Variants in IFI44L observed in about 807,000 individuals in gnomAD.
IFI44L encodes the protein interferon induced protein 44 like.
Under a neutral mutation model 39.3 loss-of-function variants are expected in IFI44L, and 40 were observed. The ratio of observed to expected loss-of-function variants is 1.02; its 90% confidence interval spans 0.79 to 1.33. The LOEUF (loss-of-function observed/expected upper bound fraction) is 1.33, where lower values mean the gene tolerates loss of function less well. IFI44L is among the 40% of genes most tolerant of loss of function. The probability of loss-of-function intolerance (pLI) is 0.00; values close to 1 mark genes in which losing one functional copy is unlikely to be tolerated. For missense variants in IFI44L, 623 were observed against 549.0 expected, an observed-to-expected ratio of 1.13 and a Z score of -1.35; for synonymous variants, 198 against 182.3, an observed-to-expected ratio of 1.09 and a Z score of -0.69.
chr1:78,635,192 C>A (rs980088598), intron 4 of IFI44L, 145 bp from the exon 5 acceptor site: 26 of 531,434 alleles, frequency 4.9e-5, no homozygotes, highest in African/African-American at 4.1e-4. Flanking sequence ...TTCTCAATAA[C>A]TTTTAAGAGT....
rs139961308 is a variant in IFI44L, at chr1:78,625,980, T to G, written c.-10-1926T>G. ...TCTGGCATATACTGTCTGTTCAATATTATAGTACTTTGAAAATTTTTGAGA... is the reference window on the plus strand; with the variant it reads ...TCTGGCATATACTGTCTGTTCAATAGTATAGTACTTTGAAAATTTTTGAGA... On this transcript the variant is annotated intron_variant, in intron 1 of 8. Coordinates refer to ENST00000370751, the MANE Select transcript of IFI44L (RefSeq NM_006820.4). 4.3e-4 allele frequency: 65 copies of G among 151,926 alleles called. 2 individuals carry two copies. The East Asian group carries it at 0.012, about 28-fold the overall frequency. 9.4% of individuals were successfully genotyped at this position (151,926 alleles called of 1,614,324 possible).
rs141846023 is a variant in IFI44L at position 78,630,073 on chromosome 1, T to C, written c.723+158T>C. On this transcript the variant is annotated intron_variant, in intron 4 of 8. Transcript: ENST00000370751. ...TTGATCAGAACCACCTCCATTGTGC[T>C]ATATTATACAGAGAAGCTTTCAAAT... 5.8e-4 allele frequency: 396 copies of C among 687,848 alleles called. 1 individual carries two copies. The African/African-American group carries it at 5.8e-3, about 10-fold the overall frequency. The allele number at this position is 687,848 out of a possible 1,614,324, so 42.6% of individuals were successfully genotyped here. A position where few individuals can be genotyped will look rare whatever the true frequency, so the allele number is the denominator to read the frequency against.
intron 6 of IFI44L, among the ~76,000 whole-genome samples, chr1:78,638,357 GT>G (rs755000238): frequency 6.6e-6 from 1 of 152,028 alleles, no homozygotes; most frequent in Non-Finnish European, 1.5e-5. Flanking sequence ...CAGATACATT[GT>G]TTGCGGATAG....
intron 4 of IFI44L, among the ~76,000 whole-genome samples, chr1:78,634,799 G>A (rs1172157667): frequency 1.3e-5 from 2 of 151,098 alleles, no homozygotes; most frequent in Admixed American, 6.6e-5. Context: ...TATCAAAGGT[G>A]CAAACTGTGG....
intron 6 of IFI44L, 110 bp downstream of exon 6, chr1:78,637,313 T>C (rs561250273): frequency 3.9e-6 from 3 of 766,838 alleles, no homozygotes; most frequent in African/African-American, 3.7e-5. Context: ...CCTATTTCCC[T>C]GGAGTGGTGG....
rs1647008455 is a variant in IFI44L, at chr1:78,643,210, G to A, written c.*1401G>A. 2 of 150,778 alleles carry A rather than the reference G, an allele frequency of 1.3e-5. No individual in the cohort carries two copies. The highest frequency in any genetic ancestry group is 2.1e-4 in the South Asian group (1 of 4,704). 9.3% of individuals were successfully genotyped at this position (150,778 alleles called of 1,614,324 possible). ...AAAGCAAGGCTGCAGGTGAAGTTGTGCTCAAGTGAATGTTCAGGAGACACA... is the reference window on the plus strand; with the variant it reads ...AAAGCAAGGCTGCAGGTGAAGTTGTACTCAAGTGAATGTTCAGGAGACACA... On this transcript the variant is annotated 3_prime_UTR_variant, in exon 9 of 9. Transcript: ENST00000370751.
chr1:78,628,750 TGAGAGCTTCCAGA>T, intron 2 of IFI44L, 188 bp from the exon 3 acceptor site: 1 of 558,632 alleles, frequency 1.8e-6, no homozygotes, highest in Non-Finnish European at 3.2e-6. Context: ...TGTAATTATG[TGAGAGCTTCCAGA>T]GCAAGTTAAT....
intron 4 of IFI44L, among the ~76,000 whole-genome samples, chr1:78,633,144 T>C (rs1652814869): frequency 6.6e-6 from 1 of 152,188 alleles, no homozygotes; most frequent in Non-Finnish European, 1.5e-5. Context: ...TTTTACGTTA[T>C]CTGCATCACC....
chr1:78,635,576 C>T, intron 5 of IFI44L, 87 bp downstream of exon 5: 1 of 1,223,230 alleles, frequency 8.2e-7, no homozygotes, highest in Non-Finnish European at 1.2e-6. Context: ...GCAATTTCAA[C>T]TCCCATAATG....
intron 8 of IFI44L, 28 bp downstream of exon 8, chr1:78,641,637 A>G (rs768164217): frequency 3.1e-6 from 5 of 1,612,282 alleles, no homozygotes; most frequent in East Asian, 4.5e-5. Flanking sequence ...TCCCCCTGTC[A>G]TAGATCACTG....
At chr1:78,641,318 C>G in intron 7 of IFI44L, 117 bp from the exon 8 acceptor site, 1 of 982,040 alleles carries the variant, frequency 1.0e-6, no homozygotes, top group Non-Finnish European at 1.5e-6. Flanking sequence ...TTGTATGTTC[C>G]GAAGATAACT....
chr1:78,623,872 T>C (rs1358642696), intron 1 of IFI44L, among the ~76,000 whole-genome samples: 2 of 152,206 alleles, frequency 1.3e-5, no homozygotes, highest in Non-Finnish European at 2.9e-5. Context: ...GCCTTTTTGC[T>C]CTATTTGGGC....
chr1:78,628,924 G>A lies in IFI44L; in HGVS notation c.479-27G>A, dbSNP rs748790563. Reference sequence around the variant, plus strand: ...ATTTAACCAAACAAGTTTTAAAAATGTATTATGCTATGTTTATTTCCTATA... The same window carrying A: ...ATTTAACCAAACAAGTTTTAAAAATATATTATGCTATGTTTATTTCCTATA... On this transcript the variant is annotated intron_variant, in intron 2 of 8. Transcript: ENST00000370751. The A allele has an allele frequency of 2.8e-6, 4 of 1,417,686 alleles. No homozygotes were observed. The Admixed American group carries it at 7.5e-5, about 27-fold the overall frequency. The allele number at this position is 1,417,686 out of a possible 1,614,324, so 87.8% of individuals were successfully genotyped here.
Position 78,627,993 on chromosome 1 carries a change from T to C in IFI44L, c.78T>C (p.Leu26=). 1 of 1,612,080 alleles carries C rather than the reference T, an allele frequency of 6.2e-7. No individual in the cohort carries two copies. The highest frequency in any genetic ancestry group is 8.5e-7 in the Non-Finnish European group (1 of 1,179,202). The change falls in exon 2 of 9, where the codon CTT becomes CTC. Residue 26 remains leucine, a synonymous_variant. Coordinates refer to ENST00000370751, the MANE Select transcript of IFI44L (RefSeq NM_006820.4). ...TGCTTGGAAATGTTTCTTTGAGTCT[T>C]CTCTATAAGTCTAGTGTTCATGGAG... ...RKLLGNVSLS[L]LYKSSVHGGS...
At chr1:78,636,934 G>T in intron 5 of IFI44L, 98 bp from the exon 6 acceptor site, 2 of 840,580 alleles carry the variant, frequency 2.4e-6, no homozygotes, top group East Asian at 2.7e-5. Context: ...GAGAAAGAGG[G>T]AGATCAGTAG....
rs541850824 is a variant in IFI44L, at chr1:78,630,829, T to C, written c.723+914T>C. ...GCTCTTGAGTGGCTTTATTTTAATATATTAGTGTAGTCTCAGAAGCCGTGG... is the reference window on the plus strand; with the variant it reads ...GCTCTTGAGTGGCTTTATTTTAATACATTAGTGTAGTCTCAGAAGCCGTGG... On this transcript the variant is annotated intron_variant, in intron 4 of 8. Transcript: ENST00000370751. Among the ~76,000 whole-genome samples the C allele has an allele frequency of 2.8e-3, 428 of 152,272 alleles. 3 individuals are homozygous for C. The highest frequency in any genetic ancestry group is 4.6e-3 in the Non-Finnish European group (313 of 67,988).
At chr1:78,623,553 T>C (rs1479436048) in intron 1 of IFI44L, among the ~76,000 whole-genome samples, 1 of 151,864 alleles carries the variant, frequency 6.6e-6, no homozygotes, top group African/African-American at 2.4e-5. Flanking sequence ...AAAAAAAAAC[T>C]AAGGAAATTT....
intron 1 of IFI44L, among the ~76,000 whole-genome samples, chr1:78,621,795 A>G (rs1468493178): frequency 1.3e-5 from 2 of 151,968 alleles, no homozygotes; most frequent in African/African-American, 4.8e-5. Flanking sequence ...TATTAATTTT[A>G]TTTTTATTGA....
rs370357712 is a variant in IFI44L at position 78,637,057 on chromosome 1, C to T, written c.902C>T (p.Pro301Leu). The change falls in exon 6 of 9, where the codon CCT becomes CTT. Residue 301 changes from proline (P) to leucine (L), a missense_variant. Pro to Leu is a moderately conservative substitution (Grantham distance 98, BLOSUM62 -3). Coordinates refer to ENST00000370751, the MANE Select transcript of IFI44L (RefSeq NM_006820.4). ...TTTAATTCCCGTAAACCAATTACAC[C>T]TGAGCATTCTACTTTTATCACCTCT... ...YQFNSRKPITPEHSTFITSPS... is the reference protein window; with the variant it reads ...YQFNSRKPITLEHSTFITSPS... The T allele has an allele frequency of 6.2e-7, 1 of 1,611,458 alleles. No individual in the cohort carries two copies. Among genetic ancestry groups the T allele is most frequent in the African/African-American group, 1.3e-5 (1 of 74,800 alleles).
Sources: allele counts gnomAD v4.1 joint callset (sites outside exome capture counted in the v4.1 genomes callset), GRCh38; gene constraint gnomAD v4.1.1; transcripts MANE v1.5; gene names NCBI Gene and HGNC (gene_info 2026-07-23, HGNC 2026-07-21).